Variants in TCERG1L observed in about 807,000 individuals in gnomAD.
TCERG1L encodes transcription elongation regulator 1-like protein.
TCERG1L carries 37 observed loss-of-function variants against 56.3 expected under a neutral mutation model. The ratio of observed to expected loss-of-function variants is 0.66; its 90% CI spans 0.51 to 0.87. The LOEUF is 0.87. Ranked by LOEUF, TCERG1L falls within the 40% of genes least tolerant of loss-of-function variation. TCERG1L has a pLI of 0.00. For synonymous variants in TCERG1L, 324 were observed against 326.3 expected, an observed-to-expected ratio of 0.99 and a Z score of 0.08; for missense variants, 799 against 774.2, an observed-to-expected ratio of 1.03 and a Z score of -0.38.
At chr10:131,296,623 A>G (rs1244394143) in intron 3 of TCERG1L, among the ~76,000 whole-genome samples, 1 of 152,194 alleles carries the variant, frequency 6.6e-6, no homozygotes, top group African/African-American at 2.4e-5. Context: ...TTGCCTGTCC[A>G]TATTAATTAT....
chr10:131,130,130 T>G (rs7923325), intron 8 of TCERG1L, among the ~76,000 whole-genome samples: 44,151 of 150,418 alleles, frequency 0.29, 7,150 homozygotes, highest in Non-Finnish European at 0.37. Context: ...AGTTCCACGG[T>G]TCTGGGAGGC....
chr10:131,229,412 C>T (rs1311615669), intron 4 of TCERG1L, among the ~76,000 whole-genome samples: 2 of 152,220 alleles, frequency 1.3e-5, no homozygotes, highest in East Asian at 1.9e-4. Context: ...AAACCCCAGC[C>T]GTCAATGACA....
intron 3 of TCERG1L, among the ~76,000 whole-genome samples, chr10:131,287,575 A>C (rs1340514558): frequency 2.0e-5 from 3 of 152,182 alleles, no homozygotes; most frequent in Non-Finnish European, 4.4e-5. Flanking sequence ...ACCTTGAAGT[A>C]CAGTCCAGAT....
intron 7 of TCERG1L, 81 bp downstream of exon 7, chr10:131,146,425 A>T (rs991592325): frequency 7.3e-7 from 1 of 1,376,464 alleles, no homozygotes; most frequent in African/African-American, 1.4e-5. Context: ...CCAAGAAGAA[A>T]CATGCTTTCA....
chr10:131,311,496 G>A lies in TCERG1L; in HGVS notation c.140C>T (p.Ala47Val). 5.0e-6 allele frequency: 6 copies of A among 1,200,246 alleles called. No individual in the cohort carries two copies. Among genetic ancestry groups the A allele is most frequent in the South Asian group, 3.2e-5 (1 of 30,986 alleles). The allele number at this position is 1,200,246 out of a possible 1,614,324, so 74.3% of individuals were successfully genotyped here. ...PPWVWMVPGS[A>V]GLLRLSAGVV... ...CCCCGCGCTGAGCCGGAGCAGCCCG[G>A]CCGAGCCCGGCACCATCCAGACCCA... Residue 47 changes from alanine (A) to valine (V), a missense_variant, in exon 1 of 12, where the codon GCC becomes GTC. By Grantham distance (64) the Ala-to-Val change is moderately conservative. Coordinates refer to ENST00000368642, the MANE Select transcript of TCERG1L (RefSeq NM_174937.4). The surrounding 1 kb of genome is among the most constrained non-coding windows in gnomAD (Gnocchi z 4.0).
intron 4 of TCERG1L, among the ~76,000 whole-genome samples, chr10:131,240,052 C>T (rs1306131882): frequency 6.6e-6 from 1 of 152,174 alleles, no homozygotes; most frequent in Non-Finnish European, 1.5e-5. Flanking sequence ...TCTCCCTGGA[C>T]CCCGCTGACT....
At chr10:131,097,432 C>T (rs1845260901) in intron 11 of TCERG1L, among the ~76,000 whole-genome samples, 1 of 152,126 alleles carries the variant, frequency 6.6e-6, no homozygotes, top group African/African-American at 2.4e-5. Flanking sequence ...ACTGCAAGCT[C>T]CGCCTCCCAG....
chr10:131,176,922 G>GCA (rs1203993840), intron 4 of TCERG1L, among the ~76,000 whole-genome samples: 2 of 5,286 alleles, frequency 3.8e-4, no homozygotes, highest in Non-Finnish European at 1.4e-3. Flanking sequence ...CAAGATACAT[G>GCA]CACACAGACA....
intron 4 of TCERG1L, among the ~76,000 whole-genome samples, chr10:131,208,556 G>A (rs937305362): frequency 6.6e-6 from 1 of 152,198 alleles, no homozygotes; most frequent in East Asian, 1.9e-4. Flanking sequence ...ATAAATCAGA[G>A]GTCATGTGCT....
At chr10:131,291,396 CATTTCTTTTTTT>C (rs1846621064) in intron 3 of TCERG1L, among the ~76,000 whole-genome samples, 1 of 67,698 alleles carries the variant, frequency 1.5e-5, no homozygotes, top group African/African-American at 5.6e-5. Context: ...CCATAAACAG[CATTTCTTTTTTT>C]TTTTTTTTTT....
chr10:131,277,972 T>C (rs1482007088), intron 3 of TCERG1L, among the ~76,000 whole-genome samples: 1 of 152,032 alleles, frequency 6.6e-6, no homozygotes, highest in African/African-American at 2.4e-5. Context: ...ATTCCGCATG[T>C]GGGGAGCTTC....
At chr10:131,173,651 G>C (rs192551065) in intron 4 of TCERG1L, among the ~76,000 whole-genome samples, 12 of 152,328 alleles carry the variant, frequency 7.9e-5, no homozygotes, top group Admixed American at 2.6e-4. Flanking sequence ...GAGAGACATA[G>C]ATTTCAGGGG....
rs1001287643 is a variant in TCERG1L at position 131,277,037 on chromosome 10, C to T, written c.671-16593G>A. ...TATGACATAGCAAGACGCGATCATGCCTGTCCTTGCAGAACTGCTATCCTA... is the reference window on the plus strand; with the variant it reads ...TATGACATAGCAAGACGCGATCATGTCTGTCCTTGCAGAACTGCTATCCTA... On this transcript the variant is annotated intron_variant, in intron 3 of 11. Coordinates refer to ENST00000368642, the MANE Select transcript of TCERG1L (RefSeq NM_174937.4). 4.6e-5 allele frequency among the ~76,000 whole-genome samples: 7 copies of T among 152,200 alleles called. 1 individual carries two copies. The highest frequency in any genetic ancestry group is 1.7e-4 in the African/African-American group (7 of 41,446).
At chr10:131,239,163 C>A (rs1379286186) in intron 4 of TCERG1L, among the ~76,000 whole-genome samples, 2 of 152,246 alleles carry the variant, frequency 1.3e-5, no homozygotes, top group East Asian at 3.9e-4. Flanking sequence ...CTTGCTCCGG[C>A]ACCCAGCAGC....
chr10:131,264,807 A>G (rs946489663), intron 3 of TCERG1L, among the ~76,000 whole-genome samples: 3 of 152,202 alleles, frequency 2.0e-5, no homozygotes, highest in African/African-American at 7.2e-5. Flanking sequence ...TTCCCAGGGA[A>G]TTCCCGCTCC....
chr10:131,121,906 C>T (rs894231142), intron 8 of TCERG1L, among the ~76,000 whole-genome samples: 1 of 152,232 alleles, frequency 6.6e-6, no homozygotes, highest in Non-Finnish European at 1.5e-5. Flanking sequence ...TCTCAGCCTG[C>T]AGGTACCACA....
intron 11 of TCERG1L, chr10:131,095,214 G>T (rs1845229730): frequency 2.0e-5 from 3 of 149,998 alleles, no homozygotes; most frequent in South Asian, 1.8e-4. Flanking sequence ...AACCCCACCG[G>T]GCGGCCAACC....
In TCERG1L at chr10:131,221,913, G is replaced by A. The variant is rs180793378; in HGVS notation, c.856+38346C>T. On this transcript the variant is annotated intron_variant, in intron 4 of 11. Coordinates refer to ENST00000368642, the MANE Select transcript of TCERG1L (RefSeq NM_174937.4). ...CGTGGGCATCCCAGCTACAGCCTCC[G>A]AACCTCTAGGTGATGGACGAGGCAG... 5.4e-4 allele frequency among the ~76,000 whole-genome samples: 83 copies of A among 152,324 alleles called. No individual in the cohort carries two copies. The East Asian group carries it at 8.7e-3, about 16-fold the overall frequency.
rs764684273 is a variant in TCERG1L, at chr10:131,093,460, C to T, written c.1605-142G>A. ...GGTGGCAGGGCACCCGGTGGGTGAG[C>T]GGCTCTGACCAGCCGTGCCTGCTCC... On this transcript the variant is annotated intron_variant, in intron 11 of 11. Transcript: ENST00000368642. 2.5e-4 allele frequency: 237 copies of T among 947,186 alleles called. 1 individual carries two copies. The Middle Eastern group carries it at 2.8e-3, about 11-fold the overall frequency. The allele number at this position is 947,186 out of a possible 1,614,324, so 58.7% of individuals were successfully genotyped here. A position where few individuals can be genotyped will look rare whatever the true frequency, so the allele number is the denominator to read the frequency against.
Sources: allele counts gnomAD v4.1 joint callset (sites outside exome capture counted in the v4.1 genomes callset), GRCh38; gene constraint gnomAD v4.1.1; non-coding constraint Gnocchi (gnomAD v3.1); transcripts MANE v1.5; gene names NCBI Gene and HGNC (gene_info 2026-07-23, HGNC 2026-07-21).